GABRB3: variants seen among roughly 807,000 people sequenced by gnomAD.
The protein encoded by GABRB3 is gamma-aminobutyric acid type A receptor subunit beta3, also known as gamma-aminobutyric acid receptor subunit beta-3.
In GABRB3, 14 loss-of-function variants were observed where a neutral mutation model predicts 52.1. The observed-to-expected ratio is 0.27, with a 90% confidence interval of 0.18 to 0.42. The LOEUF (loss-of-function observed/expected upper bound fraction) is 0.42. Ranked by LOEUF, GABRB3 falls within the 10% of genes least tolerant of loss-of-function variation. The pLI is 1.00. For synonymous variants in GABRB3, 260 were observed against 232.3 expected, an observed-to-expected ratio of 1.12 and a Z score of -1.08; for missense variants, 307 against 609.1, an observed-to-expected ratio of 0.50 and a Z score of 5.22.
chr15:26,564,090 T>G (rs1000370113), intron 7 of GABRB3, among the ~76,000 whole-genome samples: 1 of 152,088 alleles, frequency 6.6e-6, no homozygotes, highest in Non-Finnish European at 1.5e-5. Flanking sequence ...TGTTCCAAAA[T>G]CTGGAACGTT....
intron 3 of GABRB3, among the ~76,000 whole-genome samples, chr15:26,714,452 A>G (rs1012817879): frequency 6.6e-6 from 1 of 152,240 alleles, no homozygotes; most frequent in Non-Finnish European, 1.5e-5. Context: ...CTAGGGAGAC[A>G]TGAGACATCA....
intron 3 of GABRB3, among the ~76,000 whole-genome samples, chr15:26,760,989 A>G (rs1183227090): frequency 1.3e-5 from 2 of 152,188 alleles, no homozygotes; most frequent in South Asian, 2.1e-4. Context: ...TGGTTAATCA[A>G]TATTGTCCTC....
chr15:26,743,714 T>C (rs374603672), intron 3 of GABRB3, among the ~76,000 whole-genome samples: 3 of 152,266 alleles, frequency 2.0e-5, no homozygotes, highest in African/African-American at 7.2e-5. Context: ...TTTTCTGTCA[T>C]TATAGTGACT....
intron 3 of GABRB3, among the ~76,000 whole-genome samples, chr15:26,735,476 T>C (rs571618665): frequency 5.9e-5 from 9 of 152,346 alleles, no homozygotes; most frequent in Admixed American, 5.9e-4. Flanking sequence ...CCCATGTTCA[T>C]AGCAGCATTA....
chr15:26,700,197 C>G (rs988376138), intron 3 of GABRB3, among the ~76,000 whole-genome samples: 1 of 152,008 alleles, frequency 6.6e-6, no homozygotes, highest in African/African-American at 2.4e-5. Flanking sequence ...AAAAAGAAAA[C>G]TAAGGGAATG....
In GABRB3 at chr15:26,560,584, C is replaced by CT. The variant is rs1328526733; in HGVS notation, c.1080+347dup. On this transcript the variant is annotated intron_variant, in intron 8 of 8. Coordinates refer to ENST00000311550, the MANE Select transcript of GABRB3 (RefSeq NM_000814.6). ...GTAATGAAAGTGACTGTTGGGCATG[C>CT]TTTACCTGGGCAAAAAGCAACCGGG... Among the ~76,000 whole-genome samples the CT allele has an allele frequency of 3.9e-5, 6 of 152,276 alleles. No individual in the cohort carries two copies. In the South Asian group the frequency reaches 1.0e-3, roughly 26 times the overall value.
chr15:26,586,851 T>C (rs1891011810), intron 4 of GABRB3, among the ~76,000 whole-genome samples: 1 of 152,074 alleles, frequency 6.6e-6, no homozygotes, highest in Admixed American at 6.6e-5. Context: ...ACAATGAACT[T>C]ATAGAAGTAG....
chr15:26,572,304 C>T (rs1057504456), intron 6 of GABRB3, among the ~76,000 whole-genome samples: 3 of 152,282 alleles, frequency 2.0e-5, no homozygotes, highest in South Asian at 4.1e-4. Context: ...CTAGGGCACA[C>T]GCCTAAGTGA....
intron 3 of GABRB3, among the ~76,000 whole-genome samples, chr15:26,714,779 AT>A (rs1187295962): frequency 6.6e-6 from 1 of 152,102 alleles, no homozygotes; most frequent in Non-Finnish European, 1.5e-5. Flanking sequence ...ATCTATTATT[AT>A]TTTCATTATC....
chr15:26,639,757 C>A (rs1383925343), intron 3 of GABRB3, among the ~76,000 whole-genome samples: 1 of 152,172 alleles, frequency 6.6e-6, no homozygotes, highest in African/African-American at 2.4e-5. Context: ...CCAGTACATT[C>A]GATTTCTTTA....
chr15:26,757,764 G>A (rs1890703016), intron 3 of GABRB3, among the ~76,000 whole-genome samples: 1 of 152,208 alleles, frequency 6.6e-6, no homozygotes, highest in South Asian at 2.1e-4. Flanking sequence ...CCTCCTTCCA[G>A]TTAGCTCCCA....
intron 7 of GABRB3, among the ~76,000 whole-genome samples, 184 bp downstream of exon 7, chr15:26,567,397 A>G (rs1184011637): frequency 6.6e-6 from 1 of 152,136 alleles, no homozygotes; most frequent in East Asian, 1.9e-4. Flanking sequence ...GAGCCTTGTA[A>G]TTAAATTAAC....
intron 3 of GABRB3, among the ~76,000 whole-genome samples, chr15:26,726,031 G>T (rs1166124366): frequency 6.6e-6 from 1 of 152,130 alleles, no homozygotes; most frequent in Non-Finnish European, 1.5e-5. Context: ...CTCATTGTGG[G>T]TGTGCTACTA....
chr15:26,660,013 C>T (rs376477941), intron 3 of GABRB3, among the ~76,000 whole-genome samples: 2 of 152,228 alleles, frequency 1.3e-5, no homozygotes, highest in African/African-American at 4.8e-5. Flanking sequence ...GGGTGGATCA[C>T]AAAGTCAGGA....
intron 3 of GABRB3, among the ~76,000 whole-genome samples, chr15:26,654,103 G>A (rs1344262762): frequency 6.6e-6 from 1 of 152,146 alleles, no homozygotes; most frequent in African/African-American, 2.4e-5. Flanking sequence ...TACAAAGTTT[G>A]ATGACTTCAA....
chr15:26,566,154 C>T (rs7182073), intron 7 of GABRB3, among the ~76,000 whole-genome samples: 2,945 of 152,120 alleles, frequency 0.019, 88 homozygotes, highest in African/African-American at 0.068. Flanking sequence ...GAGAACTGTG[C>T]TTATGATACC....
At chr15:26,567,826 GA>G in intron 6 of GABRB3, 93 bp from the exon 7 acceptor site, 1 of 1,286,338 alleles carries the variant, frequency 7.8e-7, no homozygotes. Flanking sequence ...ACAGGCAATG[GA>G]AAAGTCTGCG....
At chr15:26,622,634 A>G (rs1186552606) in intron 3 of GABRB3, among the ~76,000 whole-genome samples, 8 of 152,236 alleles carry the variant, frequency 5.3e-5, no homozygotes, top group African/African-American at 1.9e-4. Context: ...TCGGTTGAAG[A>G]ATCCAGTCTC....
chr15:26,661,585 T>C (rs890264222), intron 3 of GABRB3, among the ~76,000 whole-genome samples: 2 of 151,874 alleles, frequency 1.3e-5, no homozygotes, highest in Non-Finnish European at 2.9e-5. Flanking sequence ...AACTCTGGAG[T>C]GGAGCACAGT....
Sources: gnomAD v4.1 joint callset for allele counts (sites outside exome capture counted in the v4.1 genomes callset) on GRCh38, gnomAD v4.1.1 for gene constraint, MANE v1.5 for transcripts, NCBI Gene and HGNC (gene_info 2026-07-23, HGNC 2026-07-21) for gene names.